Variants in ERC2 observed in about 807,000 individuals in gnomAD.
The protein encoded by ERC2 is ELKS/RAB6-interacting/CAST family member 2, also known as ERC protein 2.
ERC2 carries 42 observed loss-of-function variants against 114.8 expected under a neutral mutation model. The observed-to-expected ratio is 0.37, with a 90% confidence interval of 0.29 to 0.47. The LOEUF (loss-of-function observed/expected upper bound fraction) is 0.47. Ranked by LOEUF, ERC2 falls within the 20% of genes least tolerant of loss-of-function variation. The probability of loss-of-function intolerance (pLI) is 0.99; values close to 1 mark genes in which losing one functional copy is unlikely to be tolerated. For synonymous variants in ERC2, 454 were observed against 425.5 expected, an observed-to-expected ratio of 1.07 and a Z score of -0.82; for missense variants, 939 against 1,150.7, an observed-to-expected ratio of 0.82 and a Z score of 2.66.
At chr3:55,734,189 GGGGCAAACA>G (rs1340204678) in intron 15 of ERC2, among the ~76,000 whole-genome samples, 1 of 152,114 alleles carries the variant, frequency 6.6e-6, no homozygotes, top group African/African-American at 2.4e-5. Flanking sequence ...ACAGGATAAC[GGGGCAAACA>G]GGTGATTTTT....
chr3:56,351,017 T>C (rs895366011), intron 2 of ERC2, among the ~76,000 whole-genome samples: 1 of 152,118 alleles, frequency 6.6e-6, no homozygotes, highest in Non-Finnish European at 1.5e-5. Context: ...GAATTGAACT[T>C]CAGGTCCGCC....
At chr3:55,889,797 G>T (rs117102696) in intron 13 of ERC2, among the ~76,000 whole-genome samples, 1 of 152,114 alleles carries the variant, frequency 6.6e-6, no homozygotes, top group Non-Finnish European at 1.5e-5. Flanking sequence ...AAAGTCAACA[G>T]AACGCCCTTC....
intron 2 of ERC2, among the ~76,000 whole-genome samples, chr3:56,367,874 CA>C (rs1202187892): frequency 8.1e-6 from 1 of 123,056 alleles, no homozygotes; most frequent in Non-Finnish European, 1.7e-5. Context: ...GAGTTAAAAA[CA>C]AAAACAAAAA....
chr3:55,661,460 T>C (rs1350516558), intron 17 of ERC2, among the ~76,000 whole-genome samples: 1 of 152,168 alleles, frequency 6.6e-6, no homozygotes, highest in Non-Finnish European at 1.5e-5. Flanking sequence ...CTCCTCCCCC[T>C]TGGGACCTCT....
chr3:56,090,082 G>A (rs2077704981), intron 6 of ERC2, among the ~76,000 whole-genome samples: 1 of 152,180 alleles, frequency 6.6e-6, no homozygotes, highest in Non-Finnish European at 1.5e-5. Flanking sequence ...CAGCTAGCAT[G>A]AATCTTTCTG....
chr3:56,027,061 A>T (rs1217098157), intron 7 of ERC2, among the ~76,000 whole-genome samples: 1 of 152,218 alleles, frequency 6.6e-6, no homozygotes, highest in Non-Finnish European at 1.5e-5. Context: ...AAATAAAGTC[A>T]CACAGTATGT....
chr3:56,242,965 G>A (rs2051425499), intron 3 of ERC2, among the ~76,000 whole-genome samples: 1 of 152,102 alleles, frequency 6.6e-6, no homozygotes, highest in Admixed American at 6.6e-5. Context: ...CCTTATTCAG[G>A]CTAATTTCCA....
chr3:55,933,645 G>A (rs1213225875), intron 13 of ERC2, among the ~76,000 whole-genome samples: 4 of 152,144 alleles, frequency 2.6e-5, no homozygotes, highest in Non-Finnish European at 4.4e-5. Flanking sequence ...AGTCCGTTTG[G>A]AGAGCTCTAT....
chr3:55,995,318 C>T (rs780529616), intron 10 of ERC2, among the ~76,000 whole-genome samples: 21 of 149,310 alleles, frequency 1.4e-4, no homozygotes, highest in African/African-American at 2.4e-4. Flanking sequence ...GGCGACAGAG[C>T]GATACTCCAT....
chr3:56,413,997 C>G (rs1447939636), intron 2 of ERC2, among the ~76,000 whole-genome samples: 1 of 152,222 alleles, frequency 6.6e-6, no homozygotes, highest in East Asian at 1.9e-4. Context: ...CTGGAATTAA[C>G]AGTGTCCTTA....
chr3:55,773,197 G>A (rs1370183129), intron 14 of ERC2, among the ~76,000 whole-genome samples: 2 of 152,116 alleles, frequency 1.3e-5, no homozygotes, highest in Non-Finnish European at 2.9e-5. Flanking sequence ...CTAATTACTT[G>A]CCTAACGTTA....
intron 7 of ERC2, among the ~76,000 whole-genome samples, chr3:56,054,138 A>G (rs1487095743): frequency 6.6e-6 from 1 of 152,248 alleles, no homozygotes; most frequent in Non-Finnish European, 1.5e-5. Flanking sequence ...CTGGAAAAAC[A>G]GAGAATGATA....
chr3:55,886,006 A>G (rs2063334317), intron 14 of ERC2, among the ~76,000 whole-genome samples: 1 of 152,218 alleles, frequency 6.6e-6, no homozygotes, highest in Admixed American at 6.5e-5. Context: ...TTTTATAAAC[A>G]GGAAGTAATT....
At chr3:55,698,714 C>T (rs1363530641) in intron 16 of ERC2, among the ~76,000 whole-genome samples, 2 of 152,144 alleles carry the variant, frequency 1.3e-5, no homozygotes, top group African/African-American at 4.8e-5. Flanking sequence ...CATTTAATTT[C>T]CTAATTTCCA....
At chr3:56,366,934 T>G (rs1056427652) in intron 2 of ERC2, among the ~76,000 whole-genome samples, 6 of 152,192 alleles carry the variant, frequency 3.9e-5, no homozygotes, top group Non-Finnish European at 7.3e-5. Context: ...CTGGTTTTCT[T>G]GTTGGGAGGG....
chr3:55,612,518 A>T (rs559879041), intron 17 of ERC2, among the ~76,000 whole-genome samples: 3 of 152,188 alleles, frequency 2.0e-5, no homozygotes, highest in South Asian at 2.1e-4. Context: ...TTCCTTATTT[A>T]TCAAGTACTT....
At chr3:56,208,430 G>A (rs2048867708) in intron 3 of ERC2, among the ~76,000 whole-genome samples, 1 of 152,164 alleles carries the variant, frequency 6.6e-6, no homozygotes, top group East Asian at 1.9e-4. Flanking sequence ...TAGTCAACAG[G>A]TTAGGAATTT....
intron 16 of ERC2, among the ~76,000 whole-genome samples, chr3:55,693,317 T>C (rs4955815): frequency 0.39 from 59,101 of 152,090 alleles, 12,426 homozygotes; most frequent in East Asian, 0.63. Context: ...CCCTGGCTGA[T>C]CTGACAGCAG....
At position 55,848,433 on chromosome 3, in the gene ERC2, A is replaced by T. The variant is rs80095749; in HGVS notation, c.2564+39956T>A. ...TTTCTACTGACTTCTGCTCCCATTC[A>T]TCCTTCACACCGCAGAGGCATCCTC... On this transcript the variant is annotated intron_variant, in intron 14 of 17. Transcript: ENST00000288221. Among the ~76,000 whole-genome samples, 821 of 152,096 alleles carry T rather than the reference A, an allele frequency of 5.4e-3. 7 individuals are homozygous for T. Among genetic ancestry groups the T allele is most frequent in the African/African-American group, 0.019 (781 of 41,486 alleles).
Sources: gnomAD v4.1 joint callset for allele counts (sites outside exome capture counted in the v4.1 genomes callset) on GRCh38, gnomAD v4.1.1 for gene constraint, MANE v1.5 for transcripts, NCBI Gene and HGNC (gene_info 2026-07-23, HGNC 2026-07-21) for gene names.